RERE: variants seen among roughly 807,000 people sequenced by gnomAD.
RERE encodes arginine-glutamic acid dipeptide repeats.
In RERE, 40 loss-of-function variants were observed where a neutral mutation model predicts 146.1. That is an observed-to-expected ratio of 0.27 (90% CI 0.21 to 0.36). The LOEUF is 0.36. Ranked by LOEUF, RERE falls within the 10% of genes least tolerant of loss-of-function variation. The pLI is 1.00. For missense variants in RERE, 1,933 were observed against 2,138.7 expected, an observed-to-expected ratio of 0.90 and a Z score of 1.90; for synonymous variants, 1,003 against 866.0, an observed-to-expected ratio of 1.16 and a Z score of -2.78.
intron 1 of RERE, among the ~76,000 whole-genome samples, chr1:8,807,703 A>G (rs1281226006): frequency 3.9e-5 from 6 of 152,204 alleles, no homozygotes; most frequent in Admixed American, 3.9e-4. Flanking sequence ...TAGAAAAAAA[A>G]GTCACATACA....
At chr1:8,520,294 A>AG (rs1645475154) in intron 7 of RERE, among the ~76,000 whole-genome samples, 1 of 152,206 alleles carries the variant, frequency 6.6e-6, no homozygotes. Flanking sequence ...TGCTCTTTTA[A>AG]GGGGTCACAC....
At chr1:8,809,011 G>A (rs533673866) in intron 1 of RERE, among the ~76,000 whole-genome samples, 17 of 152,034 alleles carry the variant, frequency 1.1e-4, no homozygotes, top group Admixed American at 2.6e-4. Flanking sequence ...GGTGGCAGGC[G>A]CCTGTAGTCC....
At chr1:8,621,243 T>A (rs537561605) in intron 3 of RERE, among the ~76,000 whole-genome samples, 6 of 152,110 alleles carry the variant, frequency 3.9e-5, no homozygotes, top group Non-Finnish European at 8.8e-5. Context: ...TACCACAGAC[T>A]CGATTCTAAG....
intron 4 of RERE, among the ~76,000 whole-genome samples, chr1:8,591,872 G>A (rs868385078): frequency 1.3e-5 from 2 of 152,060 alleles, no homozygotes; most frequent in Non-Finnish European, 2.9e-5. Flanking sequence ...TGCACATGCT[G>A]AGGGAAAGAA....
intron 1 of RERE, among the ~76,000 whole-genome samples, chr1:8,748,294 C>G (rs1016993501): frequency 2.0e-5 from 3 of 152,194 alleles, no homozygotes; most frequent in African/African-American, 7.2e-5. Flanking sequence ...TCCACAATCA[C>G]TTCAGTCAGA....
At chr1:8,440,460 G>A (rs1006090218) in intron 11 of RERE, among the ~76,000 whole-genome samples, 1 of 149,818 alleles carries the variant, frequency 6.7e-6, no homozygotes, top group African/African-American at 2.5e-5. Flanking sequence ...GCGTGGTGGC[G>A]CATGCCTGTA....
intron 10 of RERE, among the ~76,000 whole-genome samples, chr1:8,469,306 A>G (rs1570289405): frequency 6.6e-6 from 1 of 152,164 alleles, no homozygotes; most frequent in Non-Finnish European, 1.5e-5. Context: ...CTGGTCTCAC[A>G]TACAGGAAAA....
intron 4 of RERE, among the ~76,000 whole-genome samples, chr1:8,573,580 C>T (rs979562430): frequency 2.6e-5 from 4 of 152,058 alleles, no homozygotes; most frequent in African/African-American, 9.7e-5. Context: ...AGTTTTCCAC[C>T]ATTACAACCT....
At chr1:8,542,895 G>C (rs1645816300) in intron 6 of RERE, among the ~76,000 whole-genome samples, 1 of 152,154 alleles carries the variant, frequency 6.6e-6, no homozygotes, top group South Asian at 2.1e-4. Context: ...TAGTTCTATA[G>C]AATAGAAGCT....
At chr1:8,490,165 A>G (rs1644961413) in intron 10 of RERE, among the ~76,000 whole-genome samples, 1 of 151,992 alleles carries the variant, frequency 6.6e-6, no homozygotes, top group Non-Finnish European at 1.5e-5. Flanking sequence ...GGTCAAGACC[A>G]TCCTGGCCAA....
chr1:8,431,957 A>C (rs1340154883), intron 11 of RERE, among the ~76,000 whole-genome samples: 1 of 151,994 alleles, frequency 6.6e-6, no homozygotes, highest in African/African-American at 2.4e-5. Context: ...TCTTCACTTC[A>C]TGGAGTTTCC....
At chr1:8,410,607 T>C (rs1379171714) in intron 12 of RERE, among the ~76,000 whole-genome samples, 1 of 152,196 alleles carries the variant, frequency 6.6e-6, no homozygotes, top group Non-Finnish European at 1.5e-5. Context: ...CTGTAGAAGA[T>C]TCAGGTAGTG....
intron 12 of RERE, among the ~76,000 whole-genome samples, chr1:8,374,796 C>G (rs1642176191): frequency 6.6e-6 from 1 of 152,232 alleles, no homozygotes; most frequent in South Asian, 2.1e-4. Context: ...CGGCCTTTGG[C>G]TTATGTCAAA....
intron 12 of RERE, among the ~76,000 whole-genome samples, chr1:8,404,758 G>T (rs999472015): frequency 2.6e-5 from 4 of 152,150 alleles, no homozygotes; most frequent in Admixed American, 6.5e-5. Context: ...TCCTTACAAG[G>T]GTGGGCTAGG....
intron 1 of RERE, among the ~76,000 whole-genome samples, chr1:8,772,249 T>C (rs533577351): frequency 1.3e-5 from 2 of 152,214 alleles, no homozygotes; most frequent in Non-Finnish European, 1.5e-5. Flanking sequence ...AATTACGAGA[T>C]ATAACCTGTC....
chr1:8,654,028 CT>C (rs879596794), intron 2 of RERE, among the ~76,000 whole-genome samples: 5,695 of 140,482 alleles, frequency 0.041, 345 homozygotes, highest in African/African-American at 0.13. Flanking sequence ...CTAGCACTGA[CT>C]TTTTTTTTTT....
At chr1:8,815,843 ATGTGTG>A (rs780581651) in intron 1 of RERE, among the ~76,000 whole-genome samples, 2 of 143,706 alleles carry the variant, frequency 1.4e-5, no homozygotes, top group East Asian at 2.0e-4. Flanking sequence ...GTGTGTGTGT[ATGTGTG>A]TGTGTGTGTG....
chr1:8,584,911 G>C lies in RERE; in HGVS notation c.523-27388C>G, dbSNP rs186183664. 3.1e-3 allele frequency among the ~76,000 whole-genome samples: 477 copies of C among 152,236 alleles called. 2 individuals are homozygous for C. The highest frequency in any genetic ancestry group is 0.011 in the African/African-American group (456 of 41,532). ...CCTTGTAATCCCAGCACTTAAGGAG[G>C]CCAAGGCGGGTGGATCACTTTAGTC... On this transcript the variant is annotated intron_variant, in intron 4 of 22. Transcript: ENST00000400908.
intron 1 of RERE, among the ~76,000 whole-genome samples, chr1:8,744,268 A>G (rs2124507315): frequency 6.6e-6 from 1 of 152,328 alleles, no homozygotes; most frequent in African/African-American, 2.4e-5. Context: ...AAGGAATTCT[A>G]TGTCCTGCTA....
Sources: allele counts gnomAD v4.1 joint callset (sites outside exome capture counted in the v4.1 genomes callset), GRCh38; gene constraint gnomAD v4.1.1; transcripts MANE v1.5; gene names NCBI Gene and HGNC (gene_info 2026-07-23, HGNC 2026-07-21).